Variants in EYS observed in about 807,000 individuals in gnomAD.
The protein encoded by EYS is EGF-like photoreceptor maintenance factor, also known as protein eyes shut homolog.
In EYS, 250 loss-of-function variants were observed where a neutral mutation model predicts 282.1. The observed-to-expected ratio is 0.89, with a 90% CI of 0.80 to 0.98. EYS has a LOEUF of 0.98. Among genes scored for constraint, EYS ranks in the 50% least tolerant of loss-of-function variants. The pLI, the probability that EYS is intolerant of heterozygous loss-of-function variation, is 0.00. For missense variants in EYS, 4,016 were observed against 3,709.0 expected, an observed-to-expected ratio of 1.08 and a Z score of -2.15; for synonymous variants, 1,355 against 1,282.9, an observed-to-expected ratio of 1.06 and a Z score of -1.20.
chr6:65,316,256 G>A (rs1260031975), intron 11 of EYS, among the ~76,000 whole-genome samples: 3 of 152,018 alleles, frequency 2.0e-5, no homozygotes, highest in Admixed American at 6.6e-5. Flanking sequence ...AACATCCAAT[G>A]TATCCATCTT....
At chr6:64,856,459 C>G (rs965012093) in intron 19 of EYS, among the ~76,000 whole-genome samples, 3 of 152,002 alleles carry the variant, frequency 2.0e-5, no homozygotes, top group African/African-American at 7.2e-5. Flanking sequence ...TGCCACCATG[C>G]CTGGGTAATT....
At chr6:65,650,870 C>T (rs1329531993) in intron 1 of EYS, among the ~76,000 whole-genome samples, 1 of 151,996 alleles carries the variant, frequency 6.6e-6, no homozygotes, top group Non-Finnish European at 1.5e-5. Flanking sequence ...TTTTAAAATG[C>T]AAATAAAATA....
chr6:65,494,482 C>T (rs1397248065), intron 4 of EYS, among the ~76,000 whole-genome samples, 181 bp downstream of exon 4: 1 of 151,740 alleles, frequency 6.6e-6, no homozygotes, highest in East Asian at 1.9e-4. Context: ...GGGGTTTCAC[C>T]GTGTTAGCCA....
At chr6:65,115,966 A>ATCATCTATCTATCTATCT (rs1554154790) in intron 12 of EYS, among the ~76,000 whole-genome samples, 2 of 144,856 alleles carry the variant, frequency 1.4e-5, no homozygotes, top group Non-Finnish European at 3.0e-5. Flanking sequence ...CTGTCTATCT[A>ATCATCTATCTATCTATCT]ATCTATCTAT....
At chr6:65,038,642 C>A (rs193239746) in intron 13 of EYS, among the ~76,000 whole-genome samples, 37 of 151,472 alleles carry the variant, frequency 2.4e-4, no homozygotes, top group African/African-American at 8.0e-4. Context: ...ATATAATCTG[C>A]AAAATGTTTT....
intron 26 of EYS, among the ~76,000 whole-genome samples, chr6:64,533,040 G>A (rs1162235753): frequency 6.6e-6 from 1 of 152,106 alleles, no homozygotes; most frequent in Non-Finnish European, 1.5e-5. Context: ...AATTCTGATA[G>A]ACAAGCTAGA....
At chr6:65,549,588 C>T (rs1031694401) in intron 2 of EYS, among the ~76,000 whole-genome samples, 1 of 152,156 alleles carries the variant, frequency 6.6e-6, no homozygotes, top group Non-Finnish European at 1.5e-5. Context: ...AGTGCACTCC[C>T]ACAGGGTACC....
chr6:64,367,411 G>T (rs1415298787), intron 29 of EYS, among the ~76,000 whole-genome samples: 1 of 151,888 alleles, frequency 6.6e-6, no homozygotes, highest in Non-Finnish European at 1.5e-5. Context: ...GACAGAGATG[G>T]GTCAAAATAT....
At chr6:65,094,317 G>GAAAA (rs35028634) in intron 12 of EYS, among the ~76,000 whole-genome samples, 7 of 73,798 alleles carry the variant, frequency 9.5e-5, no homozygotes, top group Admixed American at 2.9e-4. Context: ...ATATCTTAAC[G>GAAAA]AAAAAAAAAA....
At chr6:65,149,427 C>T (rs1385197585) in intron 12 of EYS, among the ~76,000 whole-genome samples, 1 of 152,154 alleles carries the variant, frequency 6.6e-6, no homozygotes, top group East Asian at 1.9e-4. Flanking sequence ...TCAGACTGGA[C>T]TTCATTGTCC....
At chr6:64,485,128 A>G (rs202218677) in intron 26 of EYS, among the ~76,000 whole-genome samples, 2 of 151,676 alleles carry the variant, frequency 1.3e-5, no homozygotes, top group East Asian at 3.9e-4. Context: ...CCAAGGAAAG[A>G]AAGTGCTGCC....
chr6:65,270,221 G>A (rs1767861950), intron 12 of EYS, among the ~76,000 whole-genome samples: 2 of 152,146 alleles, frequency 1.3e-5, no homozygotes, highest in African/African-American at 4.8e-5. Context: ...AAGAAGGAAG[G>A]GGTGATGGGT....
chr6:64,261,356 G>A (rs180830809), intron 30 of EYS, among the ~76,000 whole-genome samples: 2 of 152,138 alleles, frequency 1.3e-5, no homozygotes, highest in East Asian at 3.9e-4. Context: ...AGAATGTTAG[G>A]TTGATTTTTT....
At chr6:64,195,982 G>A (rs1045162535) in intron 31 of EYS, among the ~76,000 whole-genome samples, 1 of 151,962 alleles carries the variant, frequency 6.6e-6, no homozygotes, top group Non-Finnish European at 1.5e-5. Flanking sequence ...GAAAATTTTC[G>A]CAACCTACTC....
intron 12 of EYS, among the ~76,000 whole-genome samples, chr6:65,119,580 C>T (rs1390702941): frequency 2.6e-5 from 4 of 151,234 alleles, no homozygotes; most frequent in Non-Finnish European, 5.9e-5. Context: ...TGGGGTTTGC[C>T]ACACTCTGGT....
At chr6:64,457,618 T>C (rs914869292) in intron 26 of EYS, among the ~76,000 whole-genome samples, 6 of 152,116 alleles carry the variant, frequency 3.9e-5, no homozygotes, top group African/African-American at 1.4e-4. Context: ...ACCTCCTTTG[T>C]CTTTTTAACG....
chr6:64,242,500 T>G (rs1167144079), intron 30 of EYS, among the ~76,000 whole-genome samples: 2 of 152,118 alleles, frequency 1.3e-5, no homozygotes, highest in Admixed American at 1.3e-4. Flanking sequence ...ATGTTCATAT[T>G]TCCTTTTTGA....
chr6:64,029,083 A>G (rs1769684948), intron 33 of EYS, among the ~76,000 whole-genome samples: 1 of 152,216 alleles, frequency 6.6e-6, no homozygotes, highest in African/African-American at 2.4e-5. Context: ...AAGGAAACAC[A>G]GAGGGCAAAT....
At chr6:64,956,366 G>T (rs957744371) in intron 14 of EYS, among the ~76,000 whole-genome samples, 1 of 152,178 alleles carries the variant, frequency 6.6e-6, no homozygotes, top group East Asian at 1.9e-4. Context: ...AATAAATGGT[G>T]CTGGGAAAGC....
Sources: allele counts gnomAD v4.1 joint callset (sites outside exome capture counted in the v4.1 genomes callset), GRCh38; gene constraint gnomAD v4.1.1; transcripts MANE v1.5; gene names NCBI Gene and HGNC (gene_info 2026-07-23, HGNC 2026-07-21).